Variants in TBC1D32 observed in about 807,000 individuals in gnomAD.
The protein encoded by TBC1D32 is TBC1 domain family member 32.
TBC1D32 carries 151 observed loss-of-function variants against 170.3 expected under a neutral mutation model. The ratio of observed to expected loss-of-function variants is 0.89; its 90% CI spans 0.78 to 1.01. The LOEUF is 1.01. Ranked by LOEUF, TBC1D32 falls within the 50% of genes least tolerant of loss-of-function variation. TBC1D32 has a pLI of 0.00. For missense variants in TBC1D32, 1,464 were observed against 1,457.1 expected, an observed-to-expected ratio of 1.00 and a Z score of -0.08; for synonymous variants, 498 against 488.0, an observed-to-expected ratio of 1.02 and a Z score of -0.27.
At chr6:121,306,369 A>T (rs1807321625) in intron 5 of TBC1D32, among the ~76,000 whole-genome samples, 1 of 152,154 alleles carries the variant, frequency 6.6e-6, no homozygotes, top group African/African-American at 2.4e-5. Flanking sequence ...ACAACTATTT[A>T]TTTATCGTCT....
At chr6:121,208,608 C>CTAAGA (rs894827662) in intron 21 of TBC1D32, among the ~76,000 whole-genome samples, 1 of 150,272 alleles carries the variant, frequency 6.7e-6, no homozygotes, top group Non-Finnish European at 1.5e-5. Flanking sequence ...GACCTTTAAT[C>CTAAGA]TAAGACAAGT....
At chr6:121,230,843 A>G (rs977334027) in intron 20 of TBC1D32, among the ~76,000 whole-genome samples, 29 of 152,086 alleles carry the variant, frequency 1.9e-4, no homozygotes, top group African/African-American at 7.0e-4. Flanking sequence ...GGTTACATGA[A>G]CAAGTTCTCT....
chr6:121,083,819 A>G (rs573995177), intron 31 of TBC1D32, among the ~76,000 whole-genome samples: 3 of 152,252 alleles, frequency 2.0e-5, no homozygotes, highest in African/African-American at 7.2e-5. Context: ...AAATGTAGAC[A>G]ATAATATCAT....
In TBC1D32 at chr6:121,159,666, C is replaced by T. The variant is rs558264359; in HGVS notation, c.2773+344G>A. Among the ~76,000 whole-genome samples, 5 of 152,144 alleles carry T rather than the reference C, an allele frequency of 3.3e-5. No individual in the cohort carries two copies. In the South Asian group the frequency reaches 1.0e-3, roughly 32 times the overall value. On this transcript the variant is annotated intron_variant, in intron 24 of 31. Coordinates refer to ENST00000398212, the MANE Select transcript of TBC1D32 (RefSeq NM_152730.6). ...ATTGCTCCTAGGCTACAAGTCTATACAGCATGTTACTGTACTGAATACTGT... is the reference window on the plus strand; with the variant it reads ...ATTGCTCCTAGGCTACAAGTCTATATAGCATGTTACTGTACTGAATACTGT...
intron 9 of TBC1D32, among the ~76,000 whole-genome samples, chr6:121,302,744 C>T (rs1432767248): frequency 6.6e-6 from 1 of 151,876 alleles, no homozygotes; most frequent in Non-Finnish European, 1.5e-5. Context: ...ATGTAAGGAA[C>T]AAAGGGTTCA....
intron 22 of TBC1D32, among the ~76,000 whole-genome samples, chr6:121,180,113 T>C (rs1444538966): frequency 6.6e-6 from 1 of 152,142 alleles, no homozygotes; most frequent in Non-Finnish European, 1.5e-5. Flanking sequence ...AACAGAGATA[T>C]ATGTCATGTT....
intron 1 of TBC1D32, among the ~76,000 whole-genome samples, chr6:121,322,957 C>G (rs1186057275): frequency 6.6e-6 from 1 of 151,920 alleles, no homozygotes; most frequent in African/African-American, 2.4e-5. Flanking sequence ...GCCTCTTATC[C>G]TTCCTATAAT....
At chr6:121,136,337 T>C (rs183393001) in intron 24 of TBC1D32, among the ~76,000 whole-genome samples, 8 of 152,282 alleles carry the variant, frequency 5.3e-5, no homozygotes, top group Admixed American at 3.9e-4. Flanking sequence ...GTAATTCTAT[T>C]TGTATGAAAT....
chr6:121,283,522 T>C (rs17083364), intron 13 of TBC1D32, among the ~76,000 whole-genome samples: 2,880 of 151,922 alleles, frequency 0.019, 103 homozygotes, highest in African/African-American at 0.066. Context: ...TATCATCAAA[T>C]ATCCCCCAGT....
At chr6:121,261,227 G>A (rs945494886) in intron 15 of TBC1D32, among the ~76,000 whole-genome samples, 3 of 152,188 alleles carry the variant, frequency 2.0e-5, no homozygotes, top group Non-Finnish European at 4.4e-5. Context: ...AGGAATCTGG[G>A]CAGACCGGAA....
At chr6:121,142,920 C>T (rs1412929066) in intron 24 of TBC1D32, among the ~76,000 whole-genome samples, 2 of 152,198 alleles carry the variant, frequency 1.3e-5, no homozygotes, top group African/African-American at 4.8e-5. Context: ...TTCACCTTAA[C>T]AGCTCCTAAC....
intron 22 of TBC1D32, among the ~76,000 whole-genome samples, chr6:121,188,771 T>C (rs2128282989): frequency 6.6e-6 from 1 of 152,278 alleles, no homozygotes; most frequent in South Asian, 2.1e-4. Context: ...GTACATTTAT[T>C]ACTTCAATAA....
At chr6:121,280,352 T>C (rs1295673437) in intron 14 of TBC1D32, among the ~76,000 whole-genome samples, 1 of 151,830 alleles carries the variant, frequency 6.6e-6, no homozygotes, top group Admixed American at 6.6e-5. Context: ...TATTCACTTC[T>C]ATATTTGCAG....
chr6:121,081,904 G>A (rs551924264), intron 31 of TBC1D32, among the ~76,000 whole-genome samples: 33 of 152,086 alleles, frequency 2.2e-4, no homozygotes, highest in South Asian at 4.1e-4. Flanking sequence ...CATAGTTTGA[G>A]GGAAAGGTTA....
chr6:121,188,382 A>G (rs991405994), intron 22 of TBC1D32, among the ~76,000 whole-genome samples: 2 of 152,166 alleles, frequency 1.3e-5, no homozygotes, highest in African/African-American at 4.8e-5. Flanking sequence ...AAAAGGATAC[A>G]TAGTCATAAC....
intron 20 of TBC1D32, among the ~76,000 whole-genome samples, chr6:121,238,511 CAA>C (rs1043141734): frequency 1.3e-4 from 20 of 152,184 alleles, no homozygotes; most frequent in Admixed American, 7.2e-4. Context: ...ACCATACAAT[CAA>C]AGTTAGGAAT....
upstream of TBC1D32, chr6:121,334,613 C>G (rs1811658048): frequency 3.1e-6 from 2 of 652,600 alleles, no homozygotes; most frequent in Middle Eastern, 4.1e-4. Context: ...AACGAGTCAC[C>G]TTACTTTGGG....
rs1776733619 is a variant in TBC1D32 at position 121,090,914 on chromosome 6, T to C, written c.3593A>G (p.Lys1198Arg). The change falls in exon 31 of 32, where the codon AAA becomes AGA. Residue 1198 changes from lysine (K) to arginine (R), a missense_variant. By Grantham distance (26) the Lys-to-Arg change is conservative. Coordinates refer to ENST00000398212, the MANE Select transcript of TBC1D32 (RefSeq NM_152730.6). ...CTGTAGAATGTCTTGCTGTAAATGT[T>C]TGAATACAGCTATACAGATATACAC... ...YQVYICIAVF[K>R]HLQQDILQHT... 2 of 1,612,654 alleles carry C rather than the reference T, an allele frequency of 1.2e-6. No individual in the cohort carries two copies. Among genetic ancestry groups the C allele is most frequent in the South Asian group, 1.1e-5 (1 of 90,780 alleles).
chr6:121,281,808 A>T (rs769168140), intron 13 of TBC1D32, 122 bp from the exon 14 acceptor site: 333 of 641,962 alleles, frequency 5.2e-4, no homozygotes, highest in Non-Finnish European at 7.7e-4. Context: ...AAAGTCATAC[A>T]ACTCAATATC....
Sources: allele counts gnomAD v4.1 joint callset (sites outside exome capture counted in the v4.1 genomes callset), GRCh38; gene constraint gnomAD v4.1.1; transcripts MANE v1.5; gene names NCBI Gene and HGNC (gene_info 2026-07-23, HGNC 2026-07-21).